Variants in CACNA2D3 observed in about 807,000 individuals in gnomAD.
CACNA2D3 encodes the protein calcium voltage-gated channel auxiliary subunit alpha2delta 3, also known as voltage-dependent calcium channel subunit alpha-2/delta-3.
CACNA2D3 carries 60 observed loss-of-function variants against 160.6 expected under a neutral mutation model. That is an observed-to-expected ratio of 0.37 (90% CI 0.30 to 0.46). The LOEUF is 0.46. CACNA2D3 is among the 20% of genes least tolerant of loss of function. The pLI, the probability that CACNA2D3 is intolerant of heterozygous loss-of-function variation, is 1.00. For synonymous variants in CACNA2D3, 558 were observed against 492.9 expected, an observed-to-expected ratio of 1.13 and a Z score of -1.75; for missense variants, 1,205 against 1,365.0, an observed-to-expected ratio of 0.88 and a Z score of 1.85.
chr3:54,675,667 C>T (rs2106905278), intron 11 of CACNA2D3, among the ~76,000 whole-genome samples: 2 of 152,228 alleles, frequency 1.3e-5, no homozygotes, highest in Middle Eastern at 6.8e-3. Context: ...TGGGGTGCCA[C>T]TCATATTTCA....
chr3:54,787,139 A>G (rs564190849), intron 13 of CACNA2D3, among the ~76,000 whole-genome samples: 12 of 152,304 alleles, frequency 7.9e-5, no homozygotes, highest in Admixed American at 5.9e-4. Context: ...TTCAGTACTC[A>G]TAACGCGTTT....
At chr3:54,232,835 ATTG>A (rs1042059932) in intron 2 of CACNA2D3, among the ~76,000 whole-genome samples, 1 of 152,184 alleles carries the variant, frequency 6.6e-6, no homozygotes, top group Admixed American at 6.5e-5. Flanking sequence ...CTGTGCCCTT[ATTG>A]TTTGCAAAGT....
intron 4 of CACNA2D3, among the ~76,000 whole-genome samples, chr3:54,481,888 G>A (rs6445672): frequency 0.99 from 150,907 of 152,356 alleles, 74,752 homozygotes; most frequent in Middle Eastern, 1. Flanking sequence ...AGTTTATACA[G>A]AAATTTCATT....
rs142376198 is a variant in CACNA2D3, at chr3:54,674,205, G to T, written c.1167+31964G>T. Among the ~76,000 whole-genome samples the T allele has an allele frequency of 6.6e-3, 1,006 of 152,296 alleles. 14 individuals are homozygous for T. The highest frequency in any genetic ancestry group is 0.023 in the African/African-American group (940 of 41,560). Reference sequence around the variant, plus strand: ...GCCAGCAAAAGCTTTGAAGATGCTTGGAACATAAATGTGGTCCCCAGGGTT... The same window carrying T: ...GCCAGCAAAAGCTTTGAAGATGCTTTGAACATAAATGTGGTCCCCAGGGTT... On this transcript the variant is annotated intron_variant, in intron 11 of 37. Transcript: ENST00000474759.
At chr3:54,816,216 A>T (rs1703448065) in intron 13 of CACNA2D3, among the ~76,000 whole-genome samples, 1 of 152,184 alleles carries the variant, frequency 6.6e-6, no homozygotes, top group African/African-American at 2.4e-5. Flanking sequence ...CAATAAAGGG[A>T]ACAGTTAATG....
chr3:54,820,413 A>G (rs1703564773), intron 14 of CACNA2D3, among the ~76,000 whole-genome samples: 1 of 152,168 alleles, frequency 6.6e-6, no homozygotes, highest in Non-Finnish European at 1.5e-5. Context: ...CCTTTATGAC[A>G]ATGTTTTAGA....
rs576781646 is a variant in CACNA2D3 at position 54,185,317 on chromosome 3, A to G, written c.204+61723A>G. 2.6e-5 allele frequency among the ~76,000 whole-genome samples: 4 copies of G among 152,296 alleles called. No individual in the cohort carries two copies. In the East Asian group the frequency reaches 7.7e-4, roughly 29 times the overall value. On this transcript the variant is annotated intron_variant, in intron 2 of 37. Coordinates refer to ENST00000474759, the MANE Select transcript of CACNA2D3 (RefSeq NM_018398.3). Reference sequence around the variant, plus strand: ...GCAGAAGAGGAGCTTTTGGAACACAAAAAGATTTTGGAGCAAAGAATTTTG... The same window carrying G: ...GCAGAAGAGGAGCTTTTGGAACACAGAAAGATTTTGGAGCAAAGAATTTTG...
intron 11 of CACNA2D3, among the ~76,000 whole-genome samples, chr3:54,713,556 T>G (rs1700994117): frequency 6.6e-6 from 1 of 152,200 alleles, no homozygotes; most frequent in Non-Finnish European, 1.5e-5. Flanking sequence ...TTCTTCTCAT[T>G]ATCTGGATGA....
intron 34 of CACNA2D3, among the ~76,000 whole-genome samples, chr3:55,017,956 A>C (rs1181400895): frequency 6.6e-6 from 1 of 152,178 alleles, no homozygotes; most frequent in African/African-American, 2.4e-5. Context: ...TTGTCCCAGA[A>C]AGTAGAATTC....
chr3:55,010,644 TCTAA>T (rs1703190994), intron 34 of CACNA2D3, among the ~76,000 whole-genome samples: 1 of 152,194 alleles, frequency 6.6e-6, no homozygotes. Context: ...TCTTATTATT[TCTAA>T]CTGTCTGTCT....
At chr3:54,896,653 A>G in intron 25 of CACNA2D3, 96 bp from the exon 26 acceptor site, 1 of 1,478,130 alleles carries the variant, frequency 6.8e-7, no homozygotes, top group Admixed American at 1.7e-5. Context: ...CTAAAAGTGA[A>G]CACTGGTTTT....
chr3:54,486,794 A>C (rs1415645475), intron 4 of CACNA2D3, among the ~76,000 whole-genome samples: 1 of 151,996 alleles, frequency 6.6e-6, no homozygotes, highest in Non-Finnish European at 1.5e-5. Context: ...TCTTGAGTGG[A>C]GTGTGGCTGA....
intron 35 of CACNA2D3, among the ~76,000 whole-genome samples, chr3:55,046,088 C>G (rs1382189738): frequency 6.8e-6 from 1 of 147,980 alleles, no homozygotes; most frequent in Non-Finnish European, 1.5e-5. Context: ...TTATGTTACA[C>G]TTTTTTTTTT....
chr3:54,864,831 A>G (rs529902311), intron 17 of CACNA2D3, among the ~76,000 whole-genome samples: 6 of 152,258 alleles, frequency 3.9e-5, no homozygotes, highest in Non-Finnish European at 8.8e-5. Context: ...CAGGCTCAGA[A>G]ACGAGGTTGG....
intron 35 of CACNA2D3, among the ~76,000 whole-genome samples, chr3:55,021,649 A>ATATATATATGTG (rs1559465931): frequency 1.4e-5 from 1 of 70,082 alleles, no homozygotes; most frequent in Non-Finnish European, 3.4e-5. Flanking sequence ...ATATATGTGT[A>ATATATATATGTG]TATATATATG....
chr3:54,958,709 A>G (rs758114681), intron 27 of CACNA2D3, among the ~76,000 whole-genome samples: 18 of 152,198 alleles, frequency 1.2e-4, no homozygotes, highest in Admixed American at 2.6e-4. Flanking sequence ...AACTGTCTCA[A>G]TTCTCTCAGG....
At chr3:54,432,326 A>G (rs1206356095) in intron 4 of CACNA2D3, among the ~76,000 whole-genome samples, 1 of 152,152 alleles carries the variant, frequency 6.6e-6, no homozygotes, top group African/African-American at 2.4e-5. Flanking sequence ...TGATCTTGTT[A>G]TTATTATTAT....
chr3:55,028,995 A>G (rs1461159889), intron 35 of CACNA2D3, among the ~76,000 whole-genome samples: 1 of 152,228 alleles, frequency 6.6e-6, no homozygotes, highest in African/African-American at 2.4e-5. Flanking sequence ...TTCGTGGGCT[A>G]CAGTTCAGAA....
intron 11 of CACNA2D3, among the ~76,000 whole-genome samples, chr3:54,720,127 G>T (rs76015851): frequency 6.6e-6 from 1 of 151,732 alleles, no homozygotes; most frequent in Admixed American, 6.6e-5. Flanking sequence ...CTGTGTCATC[G>T]ATTTCTATTC....
Sources: allele counts gnomAD v4.1 joint callset (sites outside exome capture counted in the v4.1 genomes callset), GRCh38; gene constraint gnomAD v4.1.1; transcripts MANE v1.5; gene names NCBI Gene and HGNC (gene_info 2026-07-23, HGNC 2026-07-21).